Variants in TBL1XR1 observed in about 807,000 individuals in gnomAD.
The protein encoded by TBL1XR1 is F-box-like/WD repeat-containing protein TBL1XR1.
A neutral mutation model predicts 66.9 loss-of-function variants in TBL1XR1; 5 were observed. The observed-to-expected ratio is 0.07, with a 90% CI of 0.04 to 0.16. TBL1XR1 has a LOEUF of 0.16. TBL1XR1 is among the 10% of genes least tolerant of loss of function. The pLI is 1.00. For synonymous variants in TBL1XR1, 210 were observed against 206.0 expected, an observed-to-expected ratio of 1.02 and a Z score of -0.17; for missense variants, 238 against 623.2, an observed-to-expected ratio of 0.38 and a Z score of 6.58.
intron 1 of TBL1XR1, among the ~76,000 whole-genome samples, chr3:177,163,773 GAAC>G (rs1560248419): frequency 6.6e-6 from 1 of 152,068 alleles, no homozygotes; most frequent in Non-Finnish European, 1.5e-5. Context: ...TATGAATTTT[GAAC>G]AACGTGAATA....
intron 1 of TBL1XR1, among the ~76,000 whole-genome samples, chr3:177,133,568 T>C (rs1728556148): frequency 6.6e-6 from 1 of 152,250 alleles, no homozygotes; most frequent in Non-Finnish European, 1.5e-5. Context: ...TAACACTACA[T>C]GTTATTCTAC....
In TBL1XR1 at chr3:177,137,050, G is replaced by A. The variant is rs1425237296; in HGVS notation, c.-121-38509C>T. ...CGGCAAGCAATATGACAATGACTATGCATGCTTACTTCTATAACAGGCCAT... is the reference window on the plus strand; with the variant it reads ...CGGCAAGCAATATGACAATGACTATACATGCTTACTTCTATAACAGGCCAT... On this transcript the variant is annotated intron_variant, in intron 1 of 15. Transcript: ENST00000457928. 2.0e-5 allele frequency among the ~76,000 whole-genome samples: 3 copies of A among 152,170 alleles called. No homozygotes were observed. The East Asian group carries it at 5.8e-4, about 29-fold the overall frequency.
intron 1 of TBL1XR1, among the ~76,000 whole-genome samples, chr3:177,101,464 A>G (rs1201294): frequency 0.68 from 103,509 of 152,070 alleles, 36,805 homozygotes; most frequent in African/African-American, 0.9. Context: ...TATGTTGATG[A>G]CATTTGGAGG....
intron 1 of TBL1XR1, among the ~76,000 whole-genome samples, chr3:177,170,058 ATTCCACTG>A (rs895222040): frequency 6.6e-5 from 10 of 152,190 alleles, no homozygotes; most frequent in South Asian, 2.1e-4. Context: ...GAGAACCACT[ATTCCACTG>A]TTCCACTGTT....
intron 2 of TBL1XR1, among the ~76,000 whole-genome samples, chr3:177,074,630 C>A (rs1350609769): frequency 2.6e-5 from 4 of 152,154 alleles, no homozygotes; most frequent in Non-Finnish European, 4.4e-5. Flanking sequence ...GAGCCCACTG[C>A]CCTTTTCAAA....
intron 1 of TBL1XR1, among the ~76,000 whole-genome samples, chr3:177,133,081 T>C (rs946554722): frequency 6.6e-5 from 10 of 151,976 alleles, no homozygotes; most frequent in Admixed American, 5.9e-4. Flanking sequence ...CTGTCAGGAG[T>C]TTGAGACCAG....
At chr3:177,093,578 T>C (rs1214942353) in intron 2 of TBL1XR1, among the ~76,000 whole-genome samples, 1 of 152,150 alleles carries the variant, frequency 6.6e-6, no homozygotes, top group East Asian at 1.9e-4. Context: ...AACTATACTA[T>C]AAGGCCATAG....
At chr3:177,196,923 G>GCC (rs1331696495) in intron 1 of TBL1XR1, among the ~76,000 whole-genome samples, 198 bp downstream of exon 1, 2 of 151,864 alleles carry the variant, frequency 1.3e-5, no homozygotes, top group Non-Finnish European at 2.9e-5. Flanking sequence ...GAAAACGGGG[G>GCC]GATGGGGGCG....
intron 3 of TBL1XR1, among the ~76,000 whole-genome samples, chr3:177,064,097 T>C (rs1161105545): frequency 6.6e-6 from 1 of 152,214 alleles, no homozygotes; most frequent in Non-Finnish European, 1.5e-5. Flanking sequence ...TCCCTCACAC[T>C]TGACTACCAA....
chr3:177,107,791 C>T (rs1471331722), intron 1 of TBL1XR1, among the ~76,000 whole-genome samples: 2 of 152,074 alleles, frequency 1.3e-5, no homozygotes, highest in Non-Finnish European at 2.9e-5. Flanking sequence ...ACCCAAGTTA[C>T]GATAATAAAA....
rs1321066100 is a variant in TBL1XR1, at chr3:177,032,879, G to C, written c.1416+92C>G. 7.6e-6 allele frequency: 8 copies of C among 1,058,238 alleles called. No homozygotes were observed. In the South Asian group the frequency reaches 1.2e-4, roughly 16 times the overall value. 65.6% of individuals were successfully genotyped at this position (1,058,238 alleles called of 1,614,324 possible). A position where few individuals can be genotyped will look rare whatever the true frequency, so the allele number is the denominator to read the frequency against. On this transcript the variant is annotated intron_variant, in intron 14 of 15. Coordinates refer to ENST00000457928, the MANE Select transcript of TBL1XR1 (RefSeq NM_024665.7). ...CAATAATTCAATTAATGCCACAAGA[G>C]GAATGACAACCAAATGGTGAGGCAG...
At chr3:177,049,956 A>C in intron 7 of TBL1XR1, 41 bp downstream of exon 7, 1 of 1,597,506 alleles carries the variant, frequency 6.3e-7, no homozygotes, top group Non-Finnish European at 8.6e-7. Context: ...AGGGTTAGGT[A>C]TACTAGTAAT....
intron 3 of TBL1XR1, among the ~76,000 whole-genome samples, chr3:177,061,949 T>A (rs1260042401): frequency 6.6e-6 from 1 of 152,186 alleles, no homozygotes; most frequent in Non-Finnish European, 1.5e-5. Flanking sequence ...TGCCCAGATC[T>A]AAAGCTACTA....
At chr3:177,084,482 C>A (rs1243403054) in intron 2 of TBL1XR1, among the ~76,000 whole-genome samples, 1 of 152,236 alleles carries the variant, frequency 6.6e-6, no homozygotes, top group African/African-American at 2.4e-5. Context: ...CTGCAGACAT[C>A]GATGCCTTGG....
At chr3:177,164,927 T>G (rs1200540876) in intron 1 of TBL1XR1, among the ~76,000 whole-genome samples, 1 of 152,216 alleles carries the variant, frequency 6.6e-6, no homozygotes, top group African/African-American at 2.4e-5. Flanking sequence ...TAAAATATTT[T>G]TAAACATATG....
At chr3:177,050,405 A>C in intron 6 of TBL1XR1, 73 bp downstream of exon 6, 1 of 1,538,816 alleles carries the variant, frequency 6.5e-7, no homozygotes, top group Non-Finnish European at 8.8e-7. Flanking sequence ...AGAAAACCTG[A>C]ATAATGCATA....
chr3:177,105,581 C>T lies in TBL1XR1; in HGVS notation c.-121-7040G>A, dbSNP rs77765321. 3.5e-3 allele frequency among the ~76,000 whole-genome samples: 534 copies of T among 152,328 alleles called. 6 individuals are homozygous for T. The highest frequency in any genetic ancestry group is 0.024 in the East Asian group (126 of 5,186). On this transcript the variant is annotated intron_variant, in intron 1 of 15. Transcript: ENST00000457928. Reference sequence around the variant, plus strand: ...CTGAATAGCTAATTAGGCTACAACACACAAATCATTCAGTTGAACACATTT... The same window carrying T: ...CTGAATAGCTAATTAGGCTACAACATACAAATCATTCAGTTGAACACATTT...
chr3:177,128,531 G>A (rs187613921), intron 1 of TBL1XR1, among the ~76,000 whole-genome samples: 67 of 152,130 alleles, frequency 4.4e-4, no homozygotes, highest in African/African-American at 1.5e-3. Context: ...ATCCCACCAC[G>A]CCTGGTTAAT....
chr3:177,157,655 A>T (rs1231341746), intron 1 of TBL1XR1, among the ~76,000 whole-genome samples: 1 of 152,128 alleles, frequency 6.6e-6, no homozygotes, highest in Admixed American at 6.5e-5. Flanking sequence ...TAGAGTATGG[A>T]TGTCTTAGAG....
Sources: allele counts gnomAD v4.1 joint callset (sites outside exome capture counted in the v4.1 genomes callset), GRCh38; gene constraint gnomAD v4.1.1; transcripts MANE v1.5; gene names NCBI Gene and HGNC (gene_info 2026-07-23, HGNC 2026-07-21).